DPP10: variants seen among roughly 807,000 people sequenced by gnomAD.
The protein encoded by DPP10 is dipeptidyl peptidase like 10.
In DPP10, 33 loss-of-function variants were observed where a neutral mutation model predicts 120.9. The ratio of observed to expected loss-of-function variants is 0.27; its 90% CI spans 0.21 to 0.37. DPP10 has a LOEUF of 0.37. DPP10 is among the 10% of genes least tolerant of loss of function. The probability of loss-of-function intolerance (pLI) is 1.00; values close to 1 mark genes in which losing one functional copy is unlikely to be tolerated. For missense variants in DPP10, 816 were observed against 942.8 expected, an observed-to-expected ratio of 0.87 and a Z score of 1.76; for synonymous variants, 337 against 326.1, an observed-to-expected ratio of 1.03 and a Z score of -0.36.
chr2:115,746,874 G>A (rs1678047701), intron 10 of DPP10, among the ~76,000 whole-genome samples: 1 of 152,122 alleles, frequency 6.6e-6, no homozygotes, highest in African/African-American at 2.4e-5. Context: ...ATAGGCAGCT[G>A]ATTTAGAAAA....
intron 1 of DPP10, among the ~76,000 whole-genome samples, chr2:115,113,179 A>G (rs1348060792): frequency 0.14 from 8 of 56 alleles, no homozygotes; most frequent in African/African-American, 0.31. Flanking sequence ...AATATATAAC[A>G]CATACAATAT....
intron 9 of DPP10, among the ~76,000 whole-genome samples, chr2:115,741,109 A>G (rs1484572648): frequency 1.3e-5 from 2 of 152,116 alleles, no homozygotes; most frequent in African/African-American, 2.4e-5. Flanking sequence ...ACCAGCCACC[A>G]TATTCATTTT....
chr2:114,722,310 T>C (rs190119957), intron 1 of DPP10, among the ~76,000 whole-genome samples: 2 of 152,334 alleles, frequency 1.3e-5, no homozygotes, highest in South Asian at 2.1e-4. Context: ...ATTTCTTCCA[T>C]TGGCCTCATG....
At chr2:114,636,788 A>C (rs553595955) in intron 1 of DPP10, among the ~76,000 whole-genome samples, 2 of 152,044 alleles carry the variant, frequency 1.3e-5, no homozygotes, top group Non-Finnish European at 2.9e-5. Context: ...AAATCCCAAC[A>C]GTATACCTCC....
chr2:115,235,349 G>A (rs1189682186), intron 1 of DPP10, among the ~76,000 whole-genome samples: 3 of 152,106 alleles, frequency 2.0e-5, no homozygotes, highest in Non-Finnish European at 2.9e-5. Context: ...TTTTCCATCT[G>A]AGTTACTGAG....
chr2:115,697,420 A>G (rs1429252576), intron 7 of DPP10, among the ~76,000 whole-genome samples: 1 of 152,026 alleles, frequency 6.6e-6, no homozygotes, highest in African/African-American at 2.4e-5. Flanking sequence ...GCAAAATAAA[A>G]TAGGGGTTGC....
At chr2:115,216,989 C>G (rs1298512597) in intron 1 of DPP10, among the ~76,000 whole-genome samples, 1 of 151,860 alleles carries the variant, frequency 6.6e-6, no homozygotes, top group Non-Finnish European at 1.5e-5. Flanking sequence ...TTAATTACAG[C>G]ACACACGTCA....
chr2:115,192,464 C>T (rs2054951990), intron 1 of DPP10, among the ~76,000 whole-genome samples: 1 of 152,152 alleles, frequency 6.6e-6, no homozygotes, highest in Non-Finnish European at 1.5e-5. Flanking sequence ...TCACACATGG[C>T]TTGGGGCCCC....
At position 114,912,819 on chromosome 2, in the gene DPP10, A is replaced by G. The variant is rs189723052; in HGVS notation, c.61-396420A>G. Reference sequence around the variant, plus strand: ...ACTACATGATTCTCATGGATATTTGAGCTGGCAGGGAACTGCCCAGAGAGT... The same window carrying G: ...ACTACATGATTCTCATGGATATTTGGGCTGGCAGGGAACTGCCCAGAGAGT... On this transcript the variant is annotated intron_variant, in intron 1 of 25. Transcript: ENST00000410059. Among the ~76,000 whole-genome samples the G allele has an allele frequency of 5.0e-3, 755 of 152,310 alleles. 1 individual carries two copies. Among genetic ancestry groups the G allele is most frequent in the Non-Finnish European group, 8.8e-3 (596 of 68,028 alleles).
rs543109713 is a variant in DPP10, at chr2:115,010,373, T to G, written c.61-298866T>G. On this transcript the variant is annotated intron_variant, in intron 1 of 25. Coordinates refer to ENST00000410059, the MANE Select transcript of DPP10 (RefSeq NM_020868.6). Reference sequence around the variant, plus strand: ...ATAAGTTAATCATGTAAATCACAGATAAAATTTGAGAATATATGGATATAG... The same window carrying G: ...ATAAGTTAATCATGTAAATCACAGAGAAAATTTGAGAATATATGGATATAG... Among the ~76,000 whole-genome samples the G allele has an allele frequency of 9.8e-4, 149 of 152,296 alleles. 1 individual carries two copies. The Middle Eastern group carries it at 0.02, about 21-fold the overall frequency.
At chr2:114,698,102 T>C (rs1369225629) in intron 1 of DPP10, among the ~76,000 whole-genome samples, 1 of 152,098 alleles carries the variant, frequency 6.6e-6, no homozygotes, top group Non-Finnish European at 1.5e-5. Flanking sequence ...ATAGGTACCC[T>C]TCTAAAATAT....
At chr2:115,457,767 A>G (rs2073691750) in intron 3 of DPP10, among the ~76,000 whole-genome samples, 1 of 152,172 alleles carries the variant, frequency 6.6e-6, no homozygotes, top group Non-Finnish European at 1.5e-5. Context: ...CCTAAAAAGT[A>G]AAATGTGTAC....
chr2:115,481,293 T>G (rs946169044), intron 3 of DPP10, among the ~76,000 whole-genome samples: 8 of 152,012 alleles, frequency 5.3e-5, no homozygotes, highest in Admixed American at 2.6e-4. Context: ...GAATAAAGAG[T>G]TGCTCAACTG....
chr2:114,622,703 T>C (rs979570862), intron 1 of DPP10, among the ~76,000 whole-genome samples: 6 of 152,120 alleles, frequency 3.9e-5, no homozygotes, highest in African/African-American at 1.4e-4. Flanking sequence ...AAGGGCCTTC[T>C]TTCTGTTAAG....
intron 1 of DPP10, among the ~76,000 whole-genome samples, chr2:114,945,765 G>C (rs866779589): frequency 1.3e-5 from 2 of 151,776 alleles, no homozygotes; most frequent in Admixed American, 1.3e-4. Context: ...ACAGTGAGCC[G>C]AGATCCCACC....
chr2:115,159,689 T>G (rs1310948536), intron 1 of DPP10, among the ~76,000 whole-genome samples: 1 of 152,096 alleles, frequency 6.6e-6, no homozygotes, highest in African/African-American at 2.4e-5. Context: ...GACAAATACT[T>G]AAATCAAAGA....
intron 1 of DPP10, among the ~76,000 whole-genome samples, chr2:115,244,346 T>C (rs1380192190): frequency 6.6e-6 from 1 of 151,208 alleles, no homozygotes; most frequent in Non-Finnish European, 1.5e-5. Flanking sequence ...ACTTTTACAA[T>C]TGCTATAGTT....
At chr2:115,556,315 C>T (rs1046541554) in intron 5 of DPP10, among the ~76,000 whole-genome samples, 1 of 150,150 alleles carries the variant, frequency 6.7e-6, no homozygotes, top group African/African-American at 2.4e-5. Context: ...TGCAGCCCAA[C>T]ACAAATTCAT....
chr2:115,679,784 CA>C (rs1276861195), intron 5 of DPP10, among the ~76,000 whole-genome samples: 1 of 151,840 alleles, frequency 6.6e-6, no homozygotes, highest in Admixed American at 6.6e-5. Flanking sequence ...TACGTGGGAA[CA>C]AAAACATTTA....
Sources: gnomAD v4.1 joint callset for allele counts (sites outside exome capture counted in the v4.1 genomes callset) on GRCh38, gnomAD v4.1.1 for gene constraint, MANE v1.5 for transcripts, NCBI Gene and HGNC (gene_info 2026-07-23, HGNC 2026-07-21) for gene names.